The following SP140L variants were observed in gnomAD, a reference collection of about 807,000 sequenced individuals.
SP140L encodes nuclear body protein SP140-like protein.
In SP140L, 64 loss-of-function variants were observed where a neutral mutation model predicts 84.3. That is an observed-to-expected ratio of 0.76 (90% CI 0.62 to 0.94). SP140L has a LOEUF of 0.94. SP140L is among the 40% of genes least tolerant of loss of function. The probability of loss-of-function intolerance (pLI) is 0.00; values close to 1 mark genes in which losing one functional copy is unlikely to be tolerated. For missense variants in SP140L, 628 were observed against 692.5 expected, an observed-to-expected ratio of 0.91 and a Z score of 1.05; for synonymous variants, 242 against 236.9, an observed-to-expected ratio of 1.02 and a Z score of -0.20.
intron 5 of SP140L, among the ~76,000 whole-genome samples, chr2:230,365,162 G>C (rs1287406444): frequency 6.6e-6 from 1 of 151,990 alleles, no homozygotes; most frequent in African/African-American, 2.4e-5. Flanking sequence ...GGTAATGTTG[G>C]CTTCATAGAC....
chr2:230,358,738 A>T (rs919144777), intron 3 of SP140L, among the ~76,000 whole-genome samples: 4 of 152,206 alleles, frequency 2.6e-5, no homozygotes, highest in South Asian at 4.1e-4. Context: ...TTTACATCTA[A>T]TGTAAATGAG....
chr2:230,399,672 G>C (rs540092965), intron 14 of SP140L: 1 of 154,416 alleles, frequency 6.5e-6, no homozygotes, highest in Admixed American at 6.3e-5. Flanking sequence ...AACTCATGGG[G>C]AACTTATGGC....
chr2:230,397,842 G>A (rs529748445), intron 14 of SP140L, among the ~76,000 whole-genome samples: 2 of 152,272 alleles, frequency 1.3e-5, no homozygotes, highest in African/African-American at 4.8e-5. Context: ...CAGCCCTGGA[G>A]GTCAGTGTTT....
At chr2:230,354,857 G>GAAAGAAAGA (rs1559420064) in intron 2 of SP140L, among the ~76,000 whole-genome samples, 1 of 74,976 alleles carries the variant, frequency 1.3e-5, no homozygotes, top group East Asian at 7.1e-4. Context: ...AGGAAAGAAA[G>GAAAGAAAGA]AAAGAAAGAA....
chr2:230,350,734 G>T (rs2060339036), intron 2 of SP140L, among the ~76,000 whole-genome samples: 1 of 152,088 alleles, frequency 6.6e-6, no homozygotes, highest in Non-Finnish European at 1.5e-5. Flanking sequence ...TGAGGGGATT[G>T]GGAGTATGGG....
intron 7 of SP140L, among the ~76,000 whole-genome samples, chr2:230,374,246 G>A (rs2061173885): frequency 6.6e-6 from 1 of 151,452 alleles, no homozygotes; most frequent in African/African-American, 2.4e-5. Flanking sequence ...AACCCGGGAG[G>A]CAGAGGTTGC....
intron 4 of SP140L, among the ~76,000 whole-genome samples, chr2:230,360,901 T>C (rs568768826): frequency 6.6e-6 from 1 of 152,342 alleles, no homozygotes; most frequent in East Asian, 1.9e-4. Context: ...TCTCCTGTTT[T>C]CTAGCCTCAT....
In SP140L at chr2:230,393,411, C is replaced by T; in HGVS notation, c.1108-3C>T. On this transcript the variant is annotated splice_polypyrimidine_tract_variant and splice_region_variant and intron_variant, in intron 12 of 18. Coordinates refer to ENST00000415673, the MANE Select transcript of SP140L (RefSeq NM_138402.6). ...TATGTACCTTGGTCTTTTTATCTTTCAGGAAGGATCTCTACCTAATCCTCC... is the reference window on the plus strand; with the variant it reads ...TATGTACCTTGGTCTTTTTATCTTTTAGGAAGGATCTCTACCTAATCCTCC... 6.3e-7 allele frequency: 1 copy of T among 1,583,126 alleles called. No individual in the cohort carries two copies. Among genetic ancestry groups the T allele is most frequent in the South Asian group, 1.2e-5 (1 of 84,046 alleles).
At chr2:230,335,721 G>A (rs938503857) in intron 2 of SP140L, among the ~76,000 whole-genome samples, 3 of 152,112 alleles carry the variant, frequency 2.0e-5, no homozygotes, top group African/African-American at 2.4e-5. Context: ...GAGGGGAAGA[G>A]AGGATCAACA....
chr2:230,354,871 AAG>A (rs1310581451), intron 2 of SP140L, among the ~76,000 whole-genome samples: 3 of 140,400 alleles, frequency 2.1e-5, no homozygotes, highest in Admixed American at 8.0e-5. Context: ...GAAAGAAAGA[AAG>A]AAAGAAAGAA....
At chr2:230,329,576 G>A (rs2059671218) in intron 2 of SP140L, among the ~76,000 whole-genome samples, 1 of 152,210 alleles carries the variant, frequency 6.6e-6, no homozygotes, top group Non-Finnish European at 1.5e-5. Flanking sequence ...TCTCATGACA[G>A]TGAGTGAATT....
intron 7 of SP140L, among the ~76,000 whole-genome samples, chr2:230,380,818 T>C (rs12694857): frequency 0.71 from 107,931 of 152,052 alleles, 38,895 homozygotes; most frequent in South Asian, 0.76. Flanking sequence ...GTAATTTGTT[T>C]GTTTTCATTG....
intron 2 of SP140L, among the ~76,000 whole-genome samples, chr2:230,348,727 C>T (rs1335879979): frequency 6.6e-6 from 1 of 152,198 alleles, no homozygotes; most frequent in Non-Finnish European, 1.5e-5. Context: ...TGTTAAATTT[C>T]AGCTTATCAC....
Position 230,346,752 on chromosome 2 carries a change from T to G in SP140L, c.108-11053T>G, listed in dbSNP as rs535863148. Among the ~76,000 whole-genome samples the G allele has an allele frequency of 1.9e-3, 289 of 152,330 alleles. 1 individual carries two copies. Among genetic ancestry groups the G allele is most frequent in the African/African-American group, 6.7e-3 (278 of 41,582 alleles). On this transcript the variant is annotated intron_variant, in intron 2 of 18. Transcript: ENST00000415673. ...GGTTTGTTTAATGGTTCCTATTTTT[T>G]ATTGGCATTATATTTTGTTTATATA...
rs544749909 is a variant in SP140L, at chr2:230,342,234, A to G, written c.107+13403A>G. On this transcript the variant is annotated intron_variant, in intron 2 of 18. Coordinates refer to ENST00000415673, the MANE Select transcript of SP140L (RefSeq NM_138402.6). ...AGCCCGTCGGAAAAGCGCAGTATTC[A>G]GGTGGGAGTGACCCGATTTTCCAGG... 2.9e-3 allele frequency: 449 copies of G among 156,770 alleles called. 5 individuals carry two copies. Among genetic ancestry groups the G allele is most frequent in the African/African-American group, 0.01 (427 of 41,628 alleles). The allele number at this position is 156,770 out of a possible 1,614,324, so 9.7% of individuals were successfully genotyped here.
chr2:230,352,788 C>T (rs2149717580), intron 2 of SP140L, among the ~76,000 whole-genome samples: 1 of 151,604 alleles, frequency 6.6e-6, no homozygotes, highest in South Asian at 2.1e-4. Context: ...CTAAAGCTTC[C>T]AAAATATGCA....
At chr2:230,354,401 A>G (rs2060454743) in intron 2 of SP140L, among the ~76,000 whole-genome samples, 1 of 152,200 alleles carries the variant, frequency 6.6e-6, no homozygotes, top group African/African-American at 2.4e-5. Flanking sequence ...ATAGGTAGGA[A>G]AGTCATATGA....
intron 7 of SP140L, among the ~76,000 whole-genome samples, chr2:230,381,711 TACACACACACA>T (rs1385271752): frequency 3.4e-5 from 5 of 147,056 alleles, no homozygotes; most frequent in African/African-American, 1.0e-4. Context: ...CCTGTCTCTC[TACACACACACA>T]CACACACACA....
At chr2:230,337,621 G>T (rs1277216367) in intron 2 of SP140L, among the ~76,000 whole-genome samples, 1 of 152,112 alleles carries the variant, frequency 6.6e-6, no homozygotes, top group East Asian at 1.9e-4. Flanking sequence ...GGTTTTTATG[G>T]TTTTAGGTCT....
Sources: allele counts gnomAD v4.1 joint callset (sites outside exome capture counted in the v4.1 genomes callset), GRCh38; gene constraint gnomAD v4.1.1; transcripts MANE v1.5; gene names NCBI Gene and HGNC (gene_info 2026-07-23, HGNC 2026-07-21).